WDR33: variants seen among roughly 807,000 people sequenced by gnomAD.
The protein encoded by WDR33 is WD repeat domain 33.
Under a neutral mutation model 164.9 loss-of-function variants are expected in WDR33, and 47 were observed. The observed-to-expected ratio is 0.29, with a 90% CI of 0.23 to 0.36. The LOEUF is 0.36. Ranked by LOEUF, WDR33 falls within the 10% of genes least tolerant of loss-of-function variation. The probability of loss-of-function intolerance (pLI) is 1.00; values close to 1 mark genes in which losing one functional copy is unlikely to be tolerated. For missense variants in WDR33, 1,137 were observed against 1,754.1 expected (o/e 0.65, Z 6.28); for synonymous variants, 505 against 589.0 (o/e 0.86, Z 2.06).
In WDR33 at chr2:127,706,924, T is replaced by C. The variant is rs781646929; in HGVS notation, c.3782-372A>G. 6.6e-6 allele frequency among the ~76,000 whole-genome samples: 1 copy of C among 152,236 alleles called. No individual in the cohort carries two copies. The highest frequency in any genetic ancestry group is 1.5e-5 in the Non-Finnish European group (1 of 68,046). ...CCACCAGGGTATATTGAGGGAAGGT[T>C]TGAATATACTGACTTAACTTTGGAA... On this transcript the variant is annotated intron_variant, in intron 21 of 21. Coordinates refer to ENST00000322313, the MANE Select transcript of WDR33 (RefSeq NM_018383.5). This position sits in a 1 kb window ranked among gnomAD's most constrained non-coding sequence, Gnocchi z 5.1.
intron 1 of WDR33, among the ~76,000 whole-genome samples, chr2:127,798,716 AAC>A (rs1399766747): frequency 1.3e-5 from 2 of 152,156 alleles, no homozygotes; most frequent in Non-Finnish European, 2.9e-5. Flanking sequence ...TTTCAAAAAA[AAC>A]AGTGTTATTA....
At position 127,724,930 on chromosome 2, in the gene WDR33, C is replaced by T; in HGVS notation, c.1042G>A (p.Ala348Thr). The change falls in exon 10 of 22, where the codon GCC (alanine) becomes ACC (threonine). Residue 348 changes from alanine (A) to threonine (T), a missense_variant. Physicochemically the swap from Ala to Thr is moderately conservative, Grantham distance 58. Transcript: ENST00000322313. This position sits in a 1 kb window ranked among gnomAD's most constrained non-coding sequence, Gnocchi z 4.8. ...AWHPVHEGLF[A>T]SGGSDGSLLF... ...AAAGAACCATCAGACCCTCCACTGG[C>T]AAAAAGTCCTTCATGAACAGGATGC... 1 of 1,614,172 alleles carries T rather than the reference C, an allele frequency of 6.2e-7. No individual in the cohort carries two copies. Among genetic ancestry groups the T allele is most frequent in the Non-Finnish European group, 8.5e-7 (1 of 1,180,018 alleles).
chr2:127,794,833 CAAAAAA>C (rs990234716), intron 1 of WDR33, among the ~76,000 whole-genome samples: 31 of 79,304 alleles, frequency 3.9e-4, no homozygotes, highest in Non-Finnish European at 5.5e-4. Context: ...GACTCCGTTT[CAAAAAA>C]AAAAAAAAAA....
rs557503672 is a variant in WDR33, at chr2:127,701,377, T to C, written c.*4946A>G. ...ACGGTACTTGGGGACACCACAAAAG[T>C]CCGCAGAGCAGGCACCGCGGCACTT... On this transcript the variant is annotated 3_prime_UTR_variant, in exon 22 of 22. Transcript: ENST00000322313. 6.6e-5 allele frequency: 47 copies of C among 710,210 alleles called. No individual in the cohort carries two copies. The highest frequency in any genetic ancestry group is 8.9e-5 in the Admixed American group (2 of 22,362). The allele number at this position is 710,210 out of a possible 1,614,324, so 44.0% of individuals were successfully genotyped here. A position where few individuals can be genotyped will look rare whatever the true frequency, so the allele number is the denominator to read the frequency against.
At chr2:127,759,615 C>T (rs952215538) in intron 7 of WDR33, among the ~76,000 whole-genome samples, 3 of 152,068 alleles carry the variant, frequency 2.0e-5, no homozygotes, top group East Asian at 1.9e-4. Flanking sequence ...CACTTGAACC[C>T]GAGAGGCGGA....
chr2:127,777,111 G>A (rs113962288), intron 1 of WDR33, among the ~76,000 whole-genome samples: 309 of 152,342 alleles, frequency 2.0e-3, no homozygotes, highest in African/African-American at 7.0e-3. Flanking sequence ...TTTGCCTATT[G>A]TTGAATTCAG....
chr2:127,787,674 C>T lies in WDR33; in HGVS notation c.-23-16670G>A, dbSNP rs1175864799. 3.9e-3 allele frequency among the ~76,000 whole-genome samples: 398 copies of T among 103,072 alleles called. 1 individual carries two copies. The highest frequency in any genetic ancestry group is 7.7e-3 in the East Asian group (24 of 3,130). 67.6% of individuals were successfully genotyped at this position (103,072 alleles called of 152,430 possible). A position where few individuals can be genotyped will look rare whatever the true frequency, so the allele number is the denominator to read the frequency against. On this transcript the variant is annotated intron_variant, in intron 1 of 21. Coordinates refer to ENST00000322313, the MANE Select transcript of WDR33 (RefSeq NM_018383.5). Reference sequence around the variant, plus strand: ...TGGCCGGGCGGAGGGCTGACCCCCCCACCTCCCTCCCGGACGGGGCGGCTG... The same window carrying T: ...TGGCCGGGCGGAGGGCTGACCCCCCTACCTCCCTCCCGGACGGGGCGGCTG...
intron 17 of WDR33, among the ~76,000 whole-genome samples, chr2:127,715,307 A>G (rs540534781): frequency 6.7e-6 from 1 of 149,856 alleles, no homozygotes; most frequent in African/African-American, 2.5e-5. Context: ...CTAGTCTTGA[A>G]CTCCTGACCT....
rs1398774307 is a variant in WDR33 at position 127,741,563 on chromosome 2, C to T, written c.725-14786G>A. 1.3e-5 allele frequency among the ~76,000 whole-genome samples: 2 copies of T among 152,150 alleles called. No homozygotes were observed. Among genetic ancestry groups the T allele is most frequent in the African/African-American group, 2.4e-5 (1 of 41,430 alleles). ...TGAGATCTTCCATCCAGGAGAGGAC[C>T]CTTGTAGGTAAGCGAACTTAACTGC... On this transcript the variant is annotated intron_variant, in intron 7 of 21. Coordinates refer to ENST00000322313, the MANE Select transcript of WDR33 (RefSeq NM_018383.5). This position sits in a 1 kb window ranked among gnomAD's most constrained non-coding sequence, Gnocchi z 4.1.
At chr2:127,776,693 A>T (rs570745132) in intron 1 of WDR33, among the ~76,000 whole-genome samples, 32 of 152,210 alleles carry the variant, frequency 2.1e-4, no homozygotes, top group Non-Finnish European at 1.9e-4. Flanking sequence ...GTGAGACCCC[A>T]TCTCAAAAAA....
intron 4 of WDR33, among the ~76,000 whole-genome samples, 171 bp from the exon 5 acceptor site, chr2:127,765,440 CTG>C (rs1309947564): frequency 6.6e-6 from 1 of 152,158 alleles, no homozygotes; most frequent in Non-Finnish European, 1.5e-5. Flanking sequence ...CAACTTAACA[CTG>C]TGCAAGGAAA....
rs1179818463 is a variant in WDR33, at chr2:127,701,753, G to A, written c.*4570C>T. The A allele has an allele frequency of 4.6e-5, 65 of 1,418,408 alleles. No individual in the cohort carries two copies. The highest frequency in any genetic ancestry group is 5.8e-5 in the Non-Finnish European group (63 of 1,085,908). The allele number at this position is 1,418,408 out of a possible 1,614,324, so 87.9% of individuals were successfully genotyped here. A position where few individuals can be genotyped will look rare whatever the true frequency, so the allele number is the denominator to read the frequency against. Reference sequence around the variant, plus strand: ...GCCTCCCGAGCGTGACGCGCGGGCAGCGGCTGGCGGCGGGCGGCGGGTGCC... The same window carrying A: ...GCCTCCCGAGCGTGACGCGCGGGCAACGGCTGGCGGCGGGCGGCGGGTGCC... On this transcript the variant is annotated 3_prime_UTR_variant, in exon 22 of 22. Transcript: ENST00000322313.
In WDR33 at chr2:127,701,811, G is replaced by A; in HGVS notation, c.*4512C>T. On this transcript the variant is annotated 3_prime_UTR_variant, in exon 22 of 22. Coordinates refer to ENST00000322313, the MANE Select transcript of WDR33 (RefSeq NM_018383.5). ...GGCTGCACTGTGTTTCGGCCTAGCC[G>A]CGCTCTACGCACCGGTGTTGCTGCT... The A allele has an allele frequency of 6.2e-6, 9 of 1,456,380 alleles. No homozygotes were observed. Among genetic ancestry groups the A allele is most frequent in the Non-Finnish European group, 6.3e-6 (7 of 1,108,368 alleles). 90.2% of individuals were successfully genotyped at this position (1,456,380 alleles called of 1,614,324 possible).
intron 1 of WDR33, among the ~76,000 whole-genome samples, chr2:127,800,933 T>C (rs1689215213): frequency 6.6e-6 from 1 of 151,940 alleles, no homozygotes; most frequent in Non-Finnish European, 1.5e-5. Flanking sequence ...TGAAACTCAA[T>C]GATAGCTGTA....
At chr2:127,757,420 T>C (rs1302506914) in intron 7 of WDR33, among the ~76,000 whole-genome samples, 2 of 152,182 alleles carry the variant, frequency 1.3e-5, no homozygotes, top group Admixed American at 6.5e-5. Flanking sequence ...TATGATATAA[T>C]TATTTACATA....
At position 127,702,554 on chromosome 2, in the gene WDR33, T is replaced by A. The variant is rs1558914757; in HGVS notation, c.*3769A>T. 5.9e-6 allele frequency: 1 copy of A among 170,698 alleles called. No homozygotes were observed. The highest frequency in any genetic ancestry group is 6.5e-5 in the Admixed American group (1 of 15,410). 10.6% of individuals were successfully genotyped at this position (170,698 alleles called of 1,614,324 possible). A position where few individuals can be genotyped will look rare whatever the true frequency, so the allele number is the denominator to read the frequency against. ...TTGTGATTTTTCTCAGGCTGTTTTG[T>A]CATTTTAAAATCCAGTGGTAGATGT... On this transcript the variant is annotated 3_prime_UTR_variant, in exon 22 of 22. Coordinates refer to ENST00000322313, the MANE Select transcript of WDR33 (RefSeq NM_018383.5).
chr2:127,754,150 T>C (rs1301697005), intron 7 of WDR33, among the ~76,000 whole-genome samples: 1 of 152,238 alleles, frequency 6.6e-6, no homozygotes, highest in Non-Finnish European at 1.5e-5. Context: ...CTTCAAACAA[T>C]AGTGTTAATA....
At position 127,763,178 on chromosome 2, in the gene WDR33, C is replaced by A; in HGVS notation, c.627-19G>T. The A allele has an allele frequency of 6.2e-7, 1 of 1,613,896 alleles. No homozygotes were observed. Among genetic ancestry groups the A allele is most frequent in the Non-Finnish European group, 8.5e-7 (1 of 1,179,836 alleles). ...TGAGAAACTGTTACATGAAGACACA[C>A]AGCAGGGGAAAGAAGTCAGCATTTA... On this transcript the variant is annotated intron_variant, in intron 6 of 21. Coordinates refer to ENST00000322313, the MANE Select transcript of WDR33 (RefSeq NM_018383.5). The surrounding 1 kb of genome is among the most constrained non-coding windows in gnomAD (Gnocchi z 4.5).
rs1324890822 is a variant in WDR33 at position 127,701,544 on chromosome 2, C to T, written c.*4779G>A. ...CTTGTCCAAGATGGCGGACCTCCACCGCCAGCTGCAGGAGTACCTGGCGCA... is the reference window on the plus strand; with the variant it reads ...CTTGTCCAAGATGGCGGACCTCCACTGCCAGCTGCAGGAGTACCTGGCGCA... On this transcript the variant is annotated 3_prime_UTR_variant, in exon 22 of 22. Coordinates refer to ENST00000322313, the MANE Select transcript of WDR33 (RefSeq NM_018383.5). The T allele has an allele frequency of 1.5e-6, 2 of 1,345,472 alleles. No individual in the cohort carries two copies. The highest frequency in any genetic ancestry group is 1.9e-6 in the Non-Finnish European group (2 of 1,046,888). 83.3% of individuals were successfully genotyped at this position (1,345,472 alleles called of 1,614,324 possible).
Sources: gnomAD v4.1 joint callset for allele counts (sites outside exome capture counted in the v4.1 genomes callset) on GRCh38, gnomAD v4.1.1 for gene constraint, Gnocchi (gnomAD v3.1) non-coding constraint, MANE v1.5 for transcripts, NCBI Gene and HGNC (gene_info 2026-07-23, HGNC 2026-07-21) for gene names.